The following MTHFD2L variants were observed in gnomAD, a reference collection of about 807,000 sequenced individuals.
MTHFD2L encodes methylenetetrahydrofolate dehydrogenase (NADP+ dependent) 2 like, also known as bifunctional methylenetetrahydrofolate dehydrogenase/cyclohydrolase 2, mitochondrial.
Under a neutral mutation model 34.9 loss-of-function variants are expected in MTHFD2L, and 29 were observed. The observed-to-expected ratio is 0.83, with a 90% confidence interval of 0.62 to 1.13. The LOEUF is 1.13. Ranked by LOEUF, MTHFD2L falls within the 50% of genes most tolerant of loss-of-function variation. The pLI, the probability that MTHFD2L is intolerant of heterozygous loss-of-function variation, is 0.00. For missense variants in MTHFD2L, 481 were observed against 446.5 expected, an observed-to-expected ratio of 1.08 and a Z score of -0.70; for synonymous variants, 167 against 155.7, an observed-to-expected ratio of 1.07 and a Z score of -0.54.
chr4:74,127,650 T>C (rs893815305), intron 1 of MTHFD2L, among the ~76,000 whole-genome samples: 81 of 152,140 alleles, frequency 5.3e-4, no homozygotes, highest in African/African-American at 1.8e-3. Flanking sequence ...CACTCATCCA[T>C]TGATGGACAC....
At chr4:74,200,001 G>C (rs1734149307) in intron 4 of MTHFD2L, 55 bp downstream of exon 4, 1 of 1,566,768 alleles carries the variant, frequency 6.4e-7, no homozygotes, top group African/African-American at 1.4e-5. Flanking sequence ...CTGAGCCTTT[G>C]TGCACTGAGA....
intron 6 of MTHFD2L, among the ~76,000 whole-genome samples, chr4:74,244,974 CACAA>C: frequency 6.6e-6 from 1 of 152,042 alleles, no homozygotes; most frequent in East Asian, 1.9e-4. Flanking sequence ...GCGGGCGGAT[CACAA>C]GGTCAAGAGC....
At chr4:74,246,635 C>T (rs1196197783) in intron 6 of MTHFD2L, among the ~76,000 whole-genome samples, 2 of 151,978 alleles carry the variant, frequency 1.3e-5, no homozygotes, top group East Asian at 1.9e-4. Context: ...GTCTTTAATC[C>T]ATCTCGAATT....
At chr4:74,157,236 GTC>G, upstream of MTHFD2L, 1 of 193,790 alleles carries the variant, frequency 5.2e-6, no homozygotes, top group Non-Finnish European at 1.1e-5. Context: ...TTTTCTGACA[GTC>G]TATGATTTTA....
rs893607565 is a variant in MTHFD2L at position 74,281,692 on chromosome 4, T to C, written c.931+142T>C. 44 of 821,098 alleles carry C rather than the reference T, an allele frequency of 5.4e-5. 1 individual carries two copies. The Admixed American group carries it at 1.4e-3, about 26-fold the overall frequency. 50.9% of individuals were successfully genotyped at this position (821,098 alleles called of 1,614,324 possible). On this transcript the variant is annotated intron_variant, in intron 7 of 7. Transcript: ENST00000325278. ...TTTCTTCTGAGGGAAAAGATTTTAA[T>C]CAGACTTAAATATTTACTTTCTCCC...
intron 6 of MTHFD2L, among the ~76,000 whole-genome samples, chr4:74,232,774 T>C (rs2110143932): frequency 6.6e-6 from 1 of 151,506 alleles, no homozygotes; most frequent in South Asian, 2.1e-4. Context: ...TATATACTAT[T>C]TGTATTTAGC....
rs1746615167 is a variant in MTHFD2L at position 74,276,130 on chromosome 4, A to G, written c.806-5295A>G. On this transcript the variant is annotated intron_variant, in intron 6 of 7. Coordinates refer to ENST00000325278, the MANE Select transcript of MTHFD2L (RefSeq NM_001144978.3). ...TGAAAGTTTAGGATTGGTGGATACA[A>G]AGAGAGGGTTTTGAAGCAAGGGTTT... Among the ~76,000 whole-genome samples, 3 of 152,266 alleles carry G rather than the reference A, an allele frequency of 2.0e-5. No individual in the cohort carries two copies. In the South Asian group the frequency reaches 6.2e-4, roughly 32 times the overall value.
intron 6 of MTHFD2L, among the ~76,000 whole-genome samples, chr4:74,248,926 G>A (rs1431090785): frequency 6.0e-5 from 9 of 150,470 alleles, no homozygotes; most frequent in Non-Finnish European, 1.3e-4. Context: ...TGGAATAGGT[G>A]TGGTGTGGTG....
intron 6 of MTHFD2L, among the ~76,000 whole-genome samples, chr4:74,232,332 C>T (rs998990913): frequency 1.3e-5 from 2 of 152,150 alleles, no homozygotes; most frequent in South Asian, 2.1e-4. Flanking sequence ...CCTCTCCCTC[C>T]TTTGGAACAA....
chr4:74,225,930 T>C (rs931795343), intron 6 of MTHFD2L, among the ~76,000 whole-genome samples: 1 of 152,000 alleles, frequency 6.6e-6, no homozygotes, highest in Non-Finnish European at 1.5e-5. Context: ...AGATGACATA[T>C]GAAATTTGGT....
At chr4:74,215,263 T>C (rs943822764) in intron 5 of MTHFD2L, among the ~76,000 whole-genome samples, 1 of 151,774 alleles carries the variant, frequency 6.6e-6, no homozygotes, top group African/African-American at 2.4e-5. Flanking sequence ...CTCCTGCAGC[T>C]AGCTTGGTGT....
At chr4:74,293,356 G>A (rs1225160886) in intron 7 of MTHFD2L, 1 of 174,760 alleles carries the variant, frequency 5.7e-6, no homozygotes, top group African/African-American at 2.4e-5. Flanking sequence ...TAATACAGAT[G>A]ACCAGATATA....
At chr4:74,115,043 T>C (rs1471584217) in intron 2 of MTHFD2L, among the ~76,000 whole-genome samples, 2 of 152,188 alleles carry the variant, frequency 1.3e-5, no homozygotes, top group Non-Finnish European at 2.9e-5. Context: ...AAATGGTACA[T>C]CACAGTAAGT....
At chr4:74,233,531 G>T (rs987734124) in intron 6 of MTHFD2L, among the ~76,000 whole-genome samples, 1 of 151,872 alleles carries the variant, frequency 6.6e-6, no homozygotes, top group Non-Finnish European at 1.5e-5. Context: ...CTCCTATTGT[G>T]TGGTGAGCTC....
rs1252139127 is a variant in MTHFD2L at position 74,281,468 on chromosome 4, T to C, written c.849T>C (p.Ala283=). ...LITSDMVKEG[A]AVIDVGINYV... is the part of the protein sequence containing the mutation. The stretch of plus-strand genomic sequence containing the variant: ...CGTCTGATATGGTTAAAGAAGGTGC[T>C]GCTGTAATTGATGTGGGTATCAACT... Residue 283 remains alanine (A), a synonymous_variant, in exon 7 of 8, where the codon GCT becomes GCC. Coordinates refer to ENST00000325278, the MANE Select transcript of MTHFD2L (RefSeq NM_001144978.3). The C allele has an allele frequency of 6.2e-7, 1 of 1,612,844 alleles. No individual in the cohort carries two copies.
intron 6 of MTHFD2L, among the ~76,000 whole-genome samples, chr4:74,250,390 C>T (rs1182954536): frequency 6.6e-6 from 1 of 151,822 alleles, no homozygotes; most frequent in Non-Finnish European, 1.5e-5. Flanking sequence ...CTTATCATTA[C>T]CCAACATTTT....
chr4:74,219,181 A>C (rs1030095051), intron 5 of MTHFD2L, among the ~76,000 whole-genome samples: 1 of 152,150 alleles, frequency 6.6e-6, no homozygotes, highest in Non-Finnish European at 1.5e-5. Flanking sequence ...CCAGTGCGGC[A>C]GGTGCCCTGG....
At chr4:74,171,191 A>C (rs530248132) in intron 1 of MTHFD2L, among the ~76,000 whole-genome samples, 33 of 152,306 alleles carry the variant, frequency 2.2e-4, no homozygotes, top group Non-Finnish European at 3.1e-4. Context: ...CAAAAGACTT[A>C]ATTATTTAAT....
At chr4:74,245,792 AC>A (rs1742348780) in intron 6 of MTHFD2L, among the ~76,000 whole-genome samples, 1 of 151,930 alleles carries the variant, frequency 6.6e-6, no homozygotes, top group Non-Finnish European at 1.5e-5. Context: ...CCATGTCCCT[AC>A]AAAGGACATG....
Sources: gnomAD v4.1 joint callset for allele counts (sites outside exome capture counted in the v4.1 genomes callset) on GRCh38, gnomAD v4.1.1 for gene constraint, MANE v1.5 for transcripts, NCBI Gene and HGNC (gene_info 2026-07-23, HGNC 2026-07-21) for gene names.